Variants in CADPS observed in about 807,000 individuals in gnomAD.
CADPS encodes the protein calcium-dependent secretion activator 1.
A neutral mutation model predicts 167.3 loss-of-function variants in CADPS; 57 were observed. The ratio of observed to expected loss-of-function variants is 0.34; its 90% CI spans 0.28 to 0.42. The LOEUF (loss-of-function observed/expected upper bound fraction) is 0.42, where lower values mean the gene tolerates loss of function less well. Ranked by LOEUF, CADPS falls within the 20% of genes least tolerant of loss-of-function variation. CADPS has a pLI of 1.00. For missense variants in CADPS, 1,414 were observed against 1,738.1 expected (o/e 0.81, Z 3.32); for synonymous variants, 676 against 635.3 (o/e 1.06, Z -0.96).
At chr3:62,475,598 A>AC (rs1465813276) in intron 23 of CADPS, among the ~76,000 whole-genome samples, 26 of 148,850 alleles carry the variant, frequency 1.7e-4, no homozygotes, top group Non-Finnish European at 3.0e-4. Flanking sequence ...AAAAAAAAAA[A>AC]AAAAAAAAAA....
chr3:62,563,152 G>T (rs2079477465), intron 9 of CADPS, among the ~76,000 whole-genome samples: 1 of 152,194 alleles, frequency 6.6e-6, no homozygotes, highest in Non-Finnish European at 1.5e-5. Context: ...ACTTAAGTCT[G>T]TTTGGGTTGA....
At chr3:62,705,385 A>G (rs1241111064) in intron 3 of CADPS, among the ~76,000 whole-genome samples, 1 of 152,152 alleles carries the variant, frequency 6.6e-6, no homozygotes, top group Non-Finnish European at 1.5e-5. Context: ...GCAGACAGGC[A>G]TAACAAGGGA....
At chr3:62,650,802 C>G (rs778371824) in intron 5 of CADPS, 45 bp downstream of exon 5, 2 of 1,454,230 alleles carry the variant, frequency 1.4e-6, no homozygotes, top group East Asian at 2.3e-5. Flanking sequence ...CGCCCATGTC[C>G]TACTTGCTGT....
At chr3:62,697,869 T>G (rs2080629666) in intron 3 of CADPS, among the ~76,000 whole-genome samples, 1 of 152,180 alleles carries the variant, frequency 6.6e-6, no homozygotes, top group African/African-American at 2.4e-5. Flanking sequence ...TGTCGAGTAT[T>G]TTTTCATGTT....
intron 6 of CADPS, among the ~76,000 whole-genome samples, chr3:62,594,119 T>G (rs1040812635): frequency 9.3e-5 from 14 of 150,794 alleles, no homozygotes; most frequent in African/African-American, 3.1e-4. Flanking sequence ...ATGCTCATTA[T>G]GATTTTTTTT....
intron 22 of CADPS, among the ~76,000 whole-genome samples, chr3:62,479,793 T>C (rs546724445): frequency 6.6e-6 from 1 of 152,352 alleles, no homozygotes; most frequent in Admixed American, 6.5e-5. Flanking sequence ...TGATTGAGAA[T>C]CCACGCCTTC....
chr3:62,619,417 A>G (rs1197150218), intron 6 of CADPS, among the ~76,000 whole-genome samples: 1 of 152,228 alleles, frequency 6.6e-6, no homozygotes, highest in African/African-American at 2.4e-5. Flanking sequence ...ATTCTACCCC[A>G]TAACATGATT....
intron 3 of CADPS, among the ~76,000 whole-genome samples, chr3:62,716,766 GTTTGACTGAT>G: frequency 6.6e-6 from 1 of 152,304 alleles, no homozygotes; most frequent in East Asian, 1.9e-4. Context: ...CTATCATGTA[GTTTGACTGAT>G]TTTTTTTGGT....
At chr3:62,663,985 G>A (rs1387667416) in intron 3 of CADPS, among the ~76,000 whole-genome samples, 1 of 152,174 alleles carries the variant, frequency 6.6e-6, no homozygotes, top group African/African-American at 2.4e-5. Context: ...AAGAAAATTT[G>A]TTAGATTTTG....
intron 3 of CADPS, among the ~76,000 whole-genome samples, chr3:62,717,857 C>T (rs2084980161): frequency 6.6e-6 from 1 of 152,186 alleles, no homozygotes; most frequent in African/African-American, 2.4e-5. Flanking sequence ...AGATCCTACT[C>T]ACCTTTCTGA....
Position 62,753,561 on chromosome 3 carries a change from G to T in CADPS, c.768C>A (p.Ala256=). The part of the protein sequence containing the change: ...RGEEDPRKQQ[A]RMTASAASEL... Reference sequence around the variant, plus strand: ...CGGAGGCTGCGCTGGCTGTCATCCGGGCCTGCTGCTTCCGCGGGTCCTCTT... The same window carrying T: ...CGGAGGCTGCGCTGGCTGTCATCCGTGCCTGCTGCTTCCGCGGGTCCTCTT... Residue 256 remains alanine (A), a synonymous_variant, in exon 3 of 30, where the codon GCC becomes GCA. Transcript: ENST00000383710. This position sits in a 1 kb window ranked among gnomAD's most constrained non-coding sequence, Gnocchi z 4.6. 6.2e-7 allele frequency: 1 copy of T among 1,614,008 alleles called. No homozygotes were observed. The highest frequency in any genetic ancestry group is 8.5e-7 in the Non-Finnish European group (1 of 1,180,000).
At chr3:62,542,106 G>A (rs2152110268) in intron 11 of CADPS, among the ~76,000 whole-genome samples, 1 of 152,150 alleles carries the variant, frequency 6.6e-6, no homozygotes, top group East Asian at 1.9e-4. Flanking sequence ...AAATAATTAT[G>A]ATTATATTAC....
intron 11 of CADPS, among the ~76,000 whole-genome samples, chr3:62,547,586 G>GCC (rs386396848): frequency 0.019 from 603 of 31,390 alleles, 30 homozygotes; most frequent in Non-Finnish European, 0.022. Context: ...TATCATTTAC[G>GCC]CCCCCCCCCC....
chr3:62,461,982 C>G (rs1248564543), intron 26 of CADPS, among the ~76,000 whole-genome samples: 3 of 152,166 alleles, frequency 2.0e-5, no homozygotes, highest in African/African-American at 7.2e-5. Flanking sequence ...ATTCCAGAAC[C>G]AGCATATTTG....
At chr3:62,707,428 A>C (rs1229451378) in intron 3 of CADPS, among the ~76,000 whole-genome samples, 1 of 152,150 alleles carries the variant, frequency 6.6e-6, no homozygotes, top group Non-Finnish European at 1.5e-5. Flanking sequence ...ATAGGACTAC[A>C]TCACCATTAT....
chr3:62,798,819 G>A (rs1388302169), intron 1 of CADPS, among the ~76,000 whole-genome samples: 3 of 152,094 alleles, frequency 2.0e-5, no homozygotes, highest in Non-Finnish European at 2.9e-5. Flanking sequence ...ATTCATACCA[G>A]ATTATGAACA....
intron 28 of CADPS, among the ~76,000 whole-genome samples, chr3:62,417,241 A>G (rs1036253665): frequency 1.3e-5 from 2 of 149,964 alleles, no homozygotes; most frequent in African/African-American, 4.9e-5. Flanking sequence ...TGTTTTTCCA[A>G]ATGTACTTAA....
intron 1 of CADPS, among the ~76,000 whole-genome samples, chr3:62,814,770 C>T (rs970158570): frequency 2.0e-5 from 3 of 152,146 alleles, no homozygotes; most frequent in Admixed American, 6.6e-5. Context: ...CTTTATGCTC[C>T]GCCATCCTTA....
chr3:62,517,243 A>G (rs1303566053), intron 14 of CADPS, among the ~76,000 whole-genome samples: 1 of 152,172 alleles, frequency 6.6e-6, no homozygotes, highest in East Asian at 1.9e-4. Flanking sequence ...TACAAGTTCC[A>G]GTGACTGGTT....
Sources: gnomAD v4.1 joint callset for allele counts (sites outside exome capture counted in the v4.1 genomes callset) on GRCh38, gnomAD v4.1.1 for gene constraint, Gnocchi (gnomAD v3.1) non-coding constraint, MANE v1.5 for transcripts, NCBI Gene and HGNC (gene_info 2026-07-23, HGNC 2026-07-21) for gene names.